SVOPL: variants seen among roughly 807,000 people sequenced by gnomAD.
The protein encoded by SVOPL is SVOP like, also known as putative transporter SVOPL.
A neutral mutation model predicts 61.0 loss-of-function variants in SVOPL; 60 were observed. That is an observed-to-expected ratio of 0.98 (90% CI 0.80 to 1.22). The LOEUF (loss-of-function observed/expected upper bound fraction) is 1.22. Ranked by LOEUF, SVOPL falls within the 50% of genes most tolerant of loss-of-function variation. The probability of loss-of-function intolerance (pLI) is 0.00; values close to 1 mark genes in which losing one functional copy is unlikely to be tolerated. For missense variants in SVOPL, 662 were observed against 643.9 expected, an observed-to-expected ratio of 1.03 and a Z score of -0.30; for synonymous variants, 279 against 250.0, an observed-to-expected ratio of 1.12 and a Z score of -1.09.
At chr7:138,700,730 CAGTT>C (rs1235744302) in intron 1 of SVOPL, among the ~76,000 whole-genome samples, 3 of 147,348 alleles carry the variant, frequency 2.0e-5, no homozygotes, top group Non-Finnish European at 4.5e-5. Flanking sequence ...GATGGATGAT[CAGTT>C]AGACCAACTC....
Position 138,627,357 on chromosome 7 carries a change from T to C in SVOPL, c.1174A>G (p.Thr392Ala), listed in dbSNP as rs923141581. 6 of 1,611,464 alleles carry C rather than the reference T, an allele frequency of 3.7e-6. No individual in the cohort carries two copies. In the African/African-American group the frequency reaches 6.7e-5, roughly 18 times the overall value. ...CAATTAAACAGAAAATACCTTGAAG[T>C]GCAAATGTTGAGGAGAAGGAAGAAT... ...ALFFLLLNIC[T>A]SSAGLIGFLF... Residue 392 changes from threonine to alanine, a missense_variant, in exon 12 of 16, where the codon ACT becomes GCT. Coordinates refer to ENST00000674285, the MANE Select transcript of SVOPL (RefSeq NM_001139456.2).
At chr7:138,677,049 G>T (rs1275359421) in intron 3 of SVOPL, among the ~76,000 whole-genome samples, 3 of 151,788 alleles carry the variant, frequency 2.0e-5, no homozygotes, top group Non-Finnish European at 4.4e-5. Context: ...GACTACAGGC[G>T]CCCGCCACCA....
chr7:138,690,724 C>G (rs917848770), intron 1 of SVOPL, among the ~76,000 whole-genome samples: 5 of 151,882 alleles, frequency 3.3e-5, no homozygotes, highest in Non-Finnish European at 4.4e-5. Flanking sequence ...GGTTGCACAA[C>G]CTTGTGAACA....
chr7:138,673,451 GT>G (rs1416663343), intron 3 of SVOPL, among the ~76,000 whole-genome samples: 11 of 152,124 alleles, frequency 7.2e-5, no homozygotes, highest in Non-Finnish European at 1.3e-4. Context: ...GAGGCCAGGA[GT>G]TCGAGACCAG....
At chr7:138,638,198 A>G (rs1344624290) in intron 9 of SVOPL, among the ~76,000 whole-genome samples, 2 of 149,402 alleles carry the variant, frequency 1.3e-5, no homozygotes, top group African/African-American at 2.5e-5. Context: ...GCTTGGACCC[A>G]GGAAGGGGAG....
intron 12 of SVOPL, 24 bp downstream of exon 12, chr7:138,627,326 C>G (rs557334645): frequency 1.3e-6 from 2 of 1,577,146 alleles, no homozygotes; most frequent in East Asian, 2.2e-5. Context: ...TGCACAAAAT[C>G]TGAAGCAATT....
chr7:138,649,159 A>G, intron 7 of SVOPL, 22 bp from the exon 8 acceptor site: 21 of 1,579,354 alleles, frequency 1.3e-5, no homozygotes, highest in Non-Finnish European at 1.8e-5. Context: ...GAAGTCCAGG[A>G]TTAAAGTTCT....
chr7:138,662,208 G>C (rs1802031633), intron 5 of SVOPL: 11 of 985,344 alleles, frequency 1.1e-5, no homozygotes, highest in Non-Finnish European at 1.2e-5. Context: ...CATAGCAGCA[G>C]GTTTGGCTTA....
Position 138,599,158 on chromosome 7 carries a change from CCAAAAAAAA to C in SVOPL, c.1354-2637_1354-2629del, listed in dbSNP as rs796349917. On this transcript the variant is annotated intron_variant, in intron 14 of 15. Transcript: ENST00000674285. ...TCCGTCTCCAAAAAAAAAAAAAAAA[CCAAAAAAAA>C]AAGAAATACAGAAATGTCAAAAGAC... Among the ~76,000 whole-genome samples the C allele has an allele frequency of 3.9e-3, 394 of 100,854 alleles. 24 individuals carry two copies. The highest frequency in any genetic ancestry group is 0.026 in the South Asian group (75 of 2,886). The allele number at this position is 100,854 out of a possible 152,430, so 66.2% of individuals were successfully genotyped here. A position where few individuals can be genotyped will look rare whatever the true frequency, so the allele number is the denominator to read the frequency against.
chr7:138,620,876 A>C (rs1563094441), intron 14 of SVOPL, among the ~76,000 whole-genome samples, 170 bp downstream of exon 14: 1 of 152,202 alleles, frequency 6.6e-6, no homozygotes, highest in Admixed American at 6.5e-5. Flanking sequence ...CTGGTAGCAG[A>C]TTTAGCCTCT....
At chr7:138,667,162 C>T (rs563121268) in intron 4 of SVOPL, among the ~76,000 whole-genome samples, 2 of 152,294 alleles carry the variant, frequency 1.3e-5, no homozygotes, top group Admixed American at 1.3e-4. Flanking sequence ...CTCCTAAACT[C>T]ATTACACCAA....
rs71179714 is a variant in SVOPL, at chr7:138,644,197, C to CAAAAA, written c.789+515_789+519dup. Among the ~76,000 whole-genome samples, 24 of 50,410 alleles carry CAAAAA rather than the reference C, an allele frequency of 4.8e-4. 1 individual carries two copies. The highest frequency in any genetic ancestry group is 1.2e-3 in the Admixed American group (4 of 3,332). 33.1% of individuals were successfully genotyped at this position (50,410 alleles called of 152,430 possible). A position where few individuals can be genotyped will look rare whatever the true frequency, so the allele number is the denominator to read the frequency against. On this transcript the variant is annotated intron_variant, in intron 9 of 15. Transcript: ENST00000674285. The stretch of plus-strand genomic sequence containing the variant: ...GCCTGGTGACAGAGCAAGACTCCAT[C>CAAAAA]AAAAAAAAAAAAAAAAAAAAAAAAA...
rs1420876943 is a variant in SVOPL at position 138,639,676 on chromosome 7, G to GA, written c.789+5040dup. Among the ~76,000 whole-genome samples the GA allele has an allele frequency of 2.1e-4, 32 of 151,414 alleles. 1 individual carries two copies. In the East Asian group the frequency reaches 2.1e-3, roughly 10 times the overall value. ...TGGGAAGGAAAGGAAAAGGAAGGGG[G>GA]AAAAAAATCACCTATAGCTTTACAA... On this transcript the variant is annotated intron_variant, in intron 9 of 15. Transcript: ENST00000674285.
chr7:138,644,897 G>C (rs1010810728), intron 8 of SVOPL, 52 bp from the exon 9 acceptor site: 2 of 1,611,288 alleles, frequency 1.2e-6, no homozygotes, highest in African/African-American at 1.3e-5. Flanking sequence ...TAGAACCCAG[G>C]GGTACAGCTA....
At chr7:138,604,976 G>A (rs1798688155) in intron 14 of SVOPL, among the ~76,000 whole-genome samples, 1 of 151,934 alleles carries the variant, frequency 6.6e-6, no homozygotes, top group Non-Finnish European at 1.5e-5. Flanking sequence ...AGCACTTTGG[G>A]AGGCTGAGAT....
Position 138,640,539 on chromosome 7 carries a change from T to C in SVOPL, c.789+4178A>G, listed in dbSNP as rs143132360. On this transcript the variant is annotated intron_variant, in intron 9 of 15. Coordinates refer to ENST00000674285, the MANE Select transcript of SVOPL (RefSeq NM_001139456.2). ...TGCTGGGATTACAGGCGTGAGCCAC[T>C]GCACCCAGCTTTTTAAAAAATTTTT... Among the ~76,000 whole-genome samples the C allele has an allele frequency of 3.6e-3, 541 of 152,326 alleles. 2 individuals are homozygous for C. The highest frequency in any genetic ancestry group is 0.012 in the African/African-American group (517 of 41,580).
intron 9 of SVOPL, among the ~76,000 whole-genome samples, chr7:138,635,476 A>T (rs1800427034): frequency 6.6e-6 from 1 of 151,722 alleles, no homozygotes; most frequent in African/African-American, 2.4e-5. Flanking sequence ...GGTCTCAAGC[A>T]ACCCTCCTGC....
At chr7:138,665,909 G>A (rs1802243520) in intron 4 of SVOPL, among the ~76,000 whole-genome samples, 1 of 152,184 alleles carries the variant, frequency 6.6e-6, no homozygotes, top group South Asian at 2.1e-4. Flanking sequence ...CACAAAAACT[G>A]TAATAAGGAC....
intron 4 of SVOPL, among the ~76,000 whole-genome samples, chr7:138,671,068 T>C (rs1802403192): frequency 6.6e-6 from 1 of 152,194 alleles, no homozygotes. Context: ...AACTGTAATA[T>C]GTATTTGTAT....
Sources: allele counts gnomAD v4.1 joint callset (sites outside exome capture counted in the v4.1 genomes callset), GRCh38; gene constraint gnomAD v4.1.1; transcripts MANE v1.5; gene names NCBI Gene and HGNC (gene_info 2026-07-23, HGNC 2026-07-21).